The following RERE variants were observed in gnomAD, a reference collection of about 807,000 sequenced individuals.
RERE encodes arginine-glutamic acid dipeptide repeats.
Under a neutral mutation model 146.1 loss-of-function variants are expected in RERE, and 40 were observed. The observed-to-expected ratio is 0.27, with a 90% CI of 0.21 to 0.36. RERE has a LOEUF of 0.36. Ranked by LOEUF, RERE falls within the 10% of genes least tolerant of loss-of-function variation. RERE has a pLI of 1.00. For missense variants in RERE, 1,933 were observed against 2,138.7 expected, an observed-to-expected ratio of 0.90 and a Z score of 1.90; for synonymous variants, 1,003 against 866.0, an observed-to-expected ratio of 1.16 and a Z score of -2.78.
At chr1:8,521,421 AGTT>A (rs1426528902) in intron 7 of RERE, among the ~76,000 whole-genome samples, 4 of 152,264 alleles carry the variant, frequency 2.6e-5, no homozygotes, top group African/African-American at 9.6e-5. Context: ...ACAGGAAGAT[AGTT>A]TGAGGCCAGG....
intron 1 of RERE, among the ~76,000 whole-genome samples, chr1:8,754,618 T>C (rs893735553): frequency 1.8e-4 from 28 of 152,196 alleles, no homozygotes; most frequent in African/African-American, 4.8e-4. Context: ...ACTGCAGATG[T>C]ATGTTTTGCC....
chr1:8,602,523 A>AG (rs1056784430), intron 4 of RERE, among the ~76,000 whole-genome samples: 10 of 6,068 alleles, frequency 1.6e-3, no homozygotes, highest in South Asian at 0.011. Context: ...GGAAAAAAAA[A>AG]GAAAAAAAAA....
chr1:8,484,188 T>C (rs1644869303), intron 10 of RERE, among the ~76,000 whole-genome samples: 1 of 152,134 alleles, frequency 6.6e-6, no homozygotes, highest in Non-Finnish European at 1.5e-5. Flanking sequence ...GCCAAATAAA[T>C]GTAAGCACTC....
Position 8,422,394 on chromosome 1 carries a change from C to T in RERE, c.1284+333G>A, listed in dbSNP as rs72866050. Among the ~76,000 whole-genome samples, 1,111 of 152,306 alleles carry T rather than the reference C, an allele frequency of 7.3e-3. 19 individuals are homozygous for T. The highest frequency in any genetic ancestry group is 0.026 in the African/African-American group (1,072 of 41,554). On this transcript the variant is annotated intron_variant, in intron 12 of 22. Transcript: ENST00000400908. ...TCAAACTAGTGATAAAATGCTATTT[C>T]CTATTCCAGCCACTATGTTTAAAAT...
chr1:8,365,995 C>A, intron 12 of RERE, 21 bp from the exon 13 acceptor site: 2 of 1,610,708 alleles, frequency 1.2e-6, no homozygotes, highest in Non-Finnish European at 1.7e-6. Context: ...GAAGGGCTGA[C>A]TGTGGGGGAG....
chr1:8,361,569 CAG>C (rs1641584074), intron 17 of RERE, 79 bp from the exon 18 acceptor site: 1 of 1,550,132 alleles, frequency 6.5e-7, no homozygotes, highest in East Asian at 2.2e-5. Context: ...GCCGGACACA[CAG>C]TAATGTTTGT....
In RERE at chr1:8,508,733, A is replaced by G. The variant is rs1645289966; in HGVS notation, c.831-58T>C. The stretch of plus-strand genomic sequence containing the variant: ...CAATACAGTTTTGACATAAACATTC[A>G]CACATTTTTCAAAAAAAGTAATTCT... On this transcript the variant is annotated intron_variant, in intron 7 of 22. Transcript: ENST00000400908. The G allele has an allele frequency of 1.0e-5, 14 of 1,385,642 alleles. No homozygotes were observed. The South Asian group carries it at 1.7e-4, about 17-fold the overall frequency. 85.8% of individuals were successfully genotyped at this position (1,385,642 alleles called of 1,614,324 possible).
At chr1:8,442,856 G>T (rs1293586685) in intron 11 of RERE, among the ~76,000 whole-genome samples, 1 of 152,200 alleles carries the variant, frequency 6.6e-6, no homozygotes, top group Non-Finnish European at 1.5e-5. Flanking sequence ...GGCTGAGAAG[G>T]TCTCAGATGG....
chr1:8,812,086 T>C (rs1641823056), intron 1 of RERE, among the ~76,000 whole-genome samples: 1 of 152,216 alleles, frequency 6.6e-6, no homozygotes, highest in African/African-American at 2.4e-5. Flanking sequence ...CAACTTGAGA[T>C]GACTCGGAAG....
At chr1:8,456,083 C>G (rs1005937728) in intron 11 of RERE, among the ~76,000 whole-genome samples, 1 of 152,120 alleles carries the variant, frequency 6.6e-6, no homozygotes, top group South Asian at 2.1e-4. Flanking sequence ...AAATGCCGGC[C>G]GACAAGGGAA....
intron 1 of RERE, among the ~76,000 whole-genome samples, chr1:8,659,875 A>G (rs1465750700): frequency 6.6e-6 from 1 of 152,222 alleles, no homozygotes; most frequent in African/African-American, 2.4e-5. Flanking sequence ...CACTGTTTCT[A>G]TTTACAAAGA....
chr1:8,743,250 T>C (rs759093729), intron 1 of RERE, among the ~76,000 whole-genome samples: 11 of 151,930 alleles, frequency 7.2e-5, no homozygotes, highest in Non-Finnish European at 1.3e-4. Context: ...TTTTAAAAAT[T>C]AGCCAGGTAC....
chr1:8,786,992 T>C (rs1364703993), intron 1 of RERE: 2 of 603,644 alleles, frequency 3.3e-6, no homozygotes, highest in Non-Finnish European at 2.9e-6. Flanking sequence ...AAGTGATCTT[T>C]ATAAGACAGA....
At chr1:8,412,242 G>A (rs1444888346) in intron 12 of RERE, among the ~76,000 whole-genome samples, 2 of 152,214 alleles carry the variant, frequency 1.3e-5, no homozygotes, top group Non-Finnish European at 1.5e-5. Context: ...ATACATAAGC[G>A]AAGCATCACT....
At position 8,497,447 on chromosome 1, in the gene RERE, C is replaced by T. The variant is rs1452998040; in HGVS notation, c.962G>A (p.Gly321Glu). The stretch of plus-strand genomic sequence containing the variant: ...CATAAGGAGGTCACAGTCGTTAACT[C>T]CAGGCATCCAGACCAGTTCCTCATG... ...TQHEELVWMPGVNDCDLLMYL... is the reference protein window; with the variant it reads ...TQHEELVWMPEVNDCDLLMYL... The change falls in exon 9 of 23, where the codon GGA (glycine) becomes GAA (glutamate). Residue 321 changes from glycine to glutamate, a missense_variant. Coordinates refer to ENST00000400908, the MANE Select transcript of RERE (RefSeq NM_001042681.2). 6.2e-7 allele frequency: 1 copy of T among 1,614,146 alleles called. No individual in the cohort carries two copies. The highest frequency in any genetic ancestry group is 8.5e-7 in the Non-Finnish European group (1 of 1,180,012).
Position 8,495,046 on chromosome 1 carries a change from G to T in RERE, c.1104+17C>A. On this transcript the variant is annotated intron_variant, in intron 10 of 22. Coordinates refer to ENST00000400908, the MANE Select transcript of RERE (RefSeq NM_001042681.2). ...AAAGAAGTGTCTTCCCACTCAGGGT[G>T]ACTTCAAAAGACTTACTGTGTTCAG... The T allele has an allele frequency of 6.4e-7, 1 of 1,563,648 alleles. No individual in the cohort carries two copies. The highest frequency in any genetic ancestry group is 1.1e-5 in the South Asian group (1 of 89,992).
Position 8,385,836 on chromosome 1 carries a change from G to A in RERE, c.1285-19862C>T, listed in dbSNP as rs1570110188. 6.0e-5 allele frequency among the ~76,000 whole-genome samples: 9 copies of A among 149,694 alleles called. 1 individual carries two copies. In the South Asian group the frequency reaches 1.7e-3, roughly 28 times the overall value. ...AAAAAAAAATTAGCTGGACGTGGTG[G>A]CGGGCGCCTGTAGTCCCAGCCACTC... On this transcript the variant is annotated intron_variant, in intron 12 of 22. Coordinates refer to ENST00000400908, the MANE Select transcript of RERE (RefSeq NM_001042681.2).
intron 4 of RERE, among the ~76,000 whole-genome samples, chr1:8,607,280 C>T (rs1021858967): frequency 2.7e-5 from 4 of 150,588 alleles, no homozygotes; most frequent in Non-Finnish European, 5.9e-5. Flanking sequence ...GGATCATCTG[C>T]GACTGGGAGG....
chr1:8,628,980 A>C (rs1647004960), intron 2 of RERE, among the ~76,000 whole-genome samples: 2 of 152,218 alleles, frequency 1.3e-5, no homozygotes, highest in Admixed American at 1.3e-4. Flanking sequence ...AAAGAACTGC[A>C]CAAAGCTGAT....
Sources: gnomAD v4.1 joint callset for allele counts (sites outside exome capture counted in the v4.1 genomes callset) on GRCh38, gnomAD v4.1.1 for gene constraint, MANE v1.5 for transcripts, NCBI Gene and HGNC (gene_info 2026-07-23, HGNC 2026-07-21) for gene names.